Variants in RIMS4 observed in about 807,000 individuals in gnomAD.
RIMS4 encodes regulating synaptic membrane exocytosis protein 4.
A neutral mutation model predicts 29.0 loss-of-function variants in RIMS4; 9 were observed. The observed-to-expected ratio is 0.31, with a 90% confidence interval of 0.19 to 0.54. The LOEUF (loss-of-function observed/expected upper bound fraction) is 0.54, where lower values mean the gene tolerates loss of function less well. Ranked by LOEUF, RIMS4 falls within the 20% of genes least tolerant of loss-of-function variation. The pLI is 0.94. For missense variants in RIMS4, 193 were observed against 365.7 expected, an observed-to-expected ratio of 0.53 and a Z score of 3.85; for synonymous variants, 130 against 152.9, an observed-to-expected ratio of 0.85 and a Z score of 1.10.
intron 1 of RIMS4, among the ~76,000 whole-genome samples, chr20:44,786,476 C>T (rs2066209111): frequency 6.6e-6 from 1 of 152,150 alleles, no homozygotes; most frequent in Non-Finnish European, 1.5e-5. Flanking sequence ...ATTCATGCAC[C>T]CCATTTACAT....
chr20:44,807,247 C>CG (rs1218610674), intron 1 of RIMS4, among the ~76,000 whole-genome samples: 1 of 152,162 alleles, frequency 6.6e-6, no homozygotes, highest in African/African-American at 2.4e-5. Flanking sequence ...CCTGGGCCCA[C>CG]GGCGGGCTAG....
chr20:44,787,170 A>C (rs1444006344), intron 1 of RIMS4, among the ~76,000 whole-genome samples: 6 of 152,166 alleles, frequency 3.9e-5, no homozygotes, highest in African/African-American at 1.4e-4. Flanking sequence ...GAAGGAGACG[A>C]GAGTGGCTGG....
At chr20:44,760,435 A>G (rs2066079337) in intron 2 of RIMS4, among the ~76,000 whole-genome samples, 1 of 152,200 alleles carries the variant, frequency 6.6e-6, no homozygotes, top group South Asian at 2.1e-4. Flanking sequence ...ATCCAGGTGC[A>G]CTGGAGAGAA....
chr20:44,787,566 C>T (rs564494224), intron 1 of RIMS4, among the ~76,000 whole-genome samples: 1 of 152,220 alleles, frequency 6.6e-6, no homozygotes, highest in South Asian at 2.1e-4. Flanking sequence ...TTGCTGATCA[C>T]ACCCTGTCCT....
intron 1 of RIMS4, among the ~76,000 whole-genome samples, chr20:44,791,531 T>C (rs1296789273): frequency 6.6e-6 from 1 of 152,158 alleles, no homozygotes; most frequent in Admixed American, 6.5e-5. Flanking sequence ...GCTCAGGAAA[T>C]GCCAGCTAGT....
At chr20:44,780,328 G>A (rs1454312660) in intron 1 of RIMS4, among the ~76,000 whole-genome samples, 1 of 152,210 alleles carries the variant, frequency 6.6e-6, no homozygotes, top group Non-Finnish European at 1.5e-5. Flanking sequence ...CCACAGCAAA[G>A]AACTGGCGTG....
chr20:44,763,852 G>A (rs1037525598), intron 2 of RIMS4, among the ~76,000 whole-genome samples: 2 of 152,156 alleles, frequency 1.3e-5, no homozygotes, highest in Non-Finnish European at 2.9e-5. Context: ...GAAATTAAAA[G>A]GTTGCACAGC....
At chr20:44,810,130 A>C in intron 1 of RIMS4, 45 bp downstream of exon 1, 2 of 1,277,322 alleles carry the variant, frequency 1.6e-6, no homozygotes, top group East Asian at 2.8e-5. Flanking sequence ...CCGGACCTGG[A>C]TCCCGGGACA....
At chr20:44,760,525 C>G (rs1250120410) in intron 2 of RIMS4, among the ~76,000 whole-genome samples, 1 of 152,244 alleles carries the variant, frequency 6.6e-6, no homozygotes, top group East Asian at 1.9e-4. Context: ...AAGGAGCAGA[C>G]AGTAAGATCA....
rs1002054363 is a variant in RIMS4, at chr20:44,752,225, C to A, written c.*3909G>T. Reference sequence around the variant, plus strand: ...GATGTGGGGCCCTCCCAGAGGGCCTCGGAGACACCATAGGGGAACAGGGAG... The same window carrying A: ...GATGTGGGGCCCTCCCAGAGGGCCTAGGAGACACCATAGGGGAACAGGGAG... On this transcript the variant is annotated 3_prime_UTR_variant, in exon 6 of 6. Coordinates refer to ENST00000372851, the MANE Select transcript of RIMS4 (RefSeq NM_182970.4). The A allele has an allele frequency of 2.0e-5, 3 of 152,218 alleles. No homozygotes were observed. The highest frequency in any genetic ancestry group is 1.5e-5 in the Non-Finnish European group (1 of 68,070). The allele number at this position is 152,218 out of a possible 1,614,324, so 9.4% of individuals were successfully genotyped here.
intron 1 of RIMS4, among the ~76,000 whole-genome samples, chr20:44,777,839 A>G (rs1204372908): frequency 6.6e-6 from 1 of 152,184 alleles, no homozygotes; most frequent in African/African-American, 2.4e-5. Flanking sequence ...GTCCACTCCA[A>G]GTCCATAGAG....
In RIMS4 at chr20:44,752,555, C is replaced by T. The variant is rs778363673; in HGVS notation, c.*3579G>A. On this transcript the variant is annotated 3_prime_UTR_variant, in exon 6 of 6. Transcript: ENST00000372851. ...AGGCAAGCACTTTCCCCTCCCAGGA[C>T]CTCAGCTCCCTGCTTTGAAATGGGG... 4 of 152,508 alleles carry T rather than the reference C, an allele frequency of 2.6e-5. No homozygotes were observed. The highest frequency in any genetic ancestry group is 5.9e-5 in the Non-Finnish European group (4 of 68,258). The allele number at this position is 152,508 out of a possible 1,614,324, so 9.4% of individuals were successfully genotyped here. A position where few individuals can be genotyped will look rare whatever the true frequency, so the allele number is the denominator to read the frequency against.
rs2066304264 is a variant in RIMS4, at chr20:44,807,601, A to G, written c.97+2574T>C. Among the ~76,000 whole-genome samples, 3 of 152,314 alleles carry G rather than the reference A, an allele frequency of 2.0e-5. No individual in the cohort carries two copies. The South Asian group carries it at 6.2e-4, about 32-fold the overall frequency. On this transcript the variant is annotated intron_variant, in intron 1 of 5. Transcript: ENST00000372851. ...GGGAGGGAGGGGAGAAGAGGCAGGT[A>G]GAGCCACGCCTGTGTCCAGTATGGG...
chr20:44,755,887 C>T lies in RIMS4; in HGVS notation c.*247G>A. Reference sequence around the variant, plus strand: ...CTTTCCTTTCTCTGGACTGCAGCCACATCCACCAGGTCAAGAACCGGCCAA... The same window carrying T: ...CTTTCCTTTCTCTGGACTGCAGCCATATCCACCAGGTCAAGAACCGGCCAA... On this transcript the variant is annotated 3_prime_UTR_variant, in exon 6 of 6. Coordinates refer to ENST00000372851, the MANE Select transcript of RIMS4 (RefSeq NM_182970.4). 3 of 495,126 alleles carry T rather than the reference C, an allele frequency of 6.1e-6. No homozygotes were observed. Among genetic ancestry groups the T allele is most frequent in the South Asian group, 3.5e-5 (1 of 28,456 alleles). The allele number at this position is 495,126 out of a possible 1,614,324, so 30.7% of individuals were successfully genotyped here.
At position 44,810,200 on chromosome 20, in the gene RIMS4, C is replaced by A; in HGVS notation, c.72G>T (p.Met24Ile). 1.3e-6 allele frequency: 2 copies of A among 1,590,960 alleles called. No homozygotes were observed. The highest frequency in any genetic ancestry group is 1.7e-6 in the Non-Finnish European group (2 of 1,167,444). The change falls in exon 1 of 6, where the codon ATG becomes ATT. Residue 24 changes from methionine to isoleucine, a missense_variant. Physicochemically the swap from Met to Ile is conservative, Grantham distance 10 (BLOSUM62 1). Coordinates refer to ENST00000372851, the MANE Select transcript of RIMS4 (RefSeq NM_182970.4). ...CTGCGTCCTCGTCGTCGAAGGAGTTCATGCACGGGAAGTAGATGGCGAGCG... is the reference window on the plus strand; with the variant it reads ...CTGCGTCCTCGTCGTCGAAGGAGTTAATGCACGGGAAGTAGATGGCGAGCG... ...FEALAIYFPC[M>I]NSFDDEDAGD...
chr20:44,791,501 G>A (rs969011771), intron 1 of RIMS4, among the ~76,000 whole-genome samples: 5 of 152,196 alleles, frequency 3.3e-5, no homozygotes, highest in African/African-American at 1.2e-4. Flanking sequence ...TCCTAGCACG[G>A]CATCTGGAAT....
rs1298980566 is a variant in RIMS4 at position 44,758,098 on chromosome 20, C to A, written c.323G>T (p.Arg108Leu). The A allele has an allele frequency of 1.9e-6, 3 of 1,611,632 alleles. No homozygotes were observed. The highest frequency in any genetic ancestry group is 1.7e-5 in the Admixed American group (1 of 59,810). Reference protein sequence around the residue: ...GSMGPAQFVGRQTLATTPMGD... With the variant: ...GSMGPAQFVGLQTLATTPMGD... The stretch of plus-strand genomic sequence containing the variant: ...CATGGGTGTGGTGGCCAGGGTCTGG[C>A]GGCCCACAAACTGTGCCGGCCCCAT... The change falls in exon 3 of 6, where the codon CGC becomes CTC. Residue 108 changes from arginine (R) to leucine (L), a missense_variant. Transcript: ENST00000372851.
chr20:44,768,243 G>A (rs904152560), intron 2 of RIMS4, among the ~76,000 whole-genome samples: 1 of 152,208 alleles, frequency 6.6e-6, no homozygotes, highest in Non-Finnish European at 1.5e-5. Flanking sequence ...TATCTGAGGT[G>A]CCTGACCCAA....
chr20:44,779,561 T>C (rs997459965), intron 1 of RIMS4, among the ~76,000 whole-genome samples: 1 of 152,262 alleles, frequency 6.6e-6, no homozygotes, highest in Admixed American at 6.5e-5. Context: ...TCCATGTTGA[T>C]TGTTTCATTG....
Sources: gnomAD v4.1 joint callset for allele counts (sites outside exome capture counted in the v4.1 genomes callset) on GRCh38, gnomAD v4.1.1 for gene constraint, MANE v1.5 for transcripts, NCBI Gene and HGNC (gene_info 2026-07-23, HGNC 2026-07-21) for gene names.